Variants in MZT2B observed in about 807,000 individuals in gnomAD.
MZT2B encodes the protein mitotic spindle organizing protein 2B.
MZT2B carries 11 observed loss-of-function variants against 12.1 expected under a neutral mutation model. The ratio of observed to expected loss-of-function variants is 0.91; its 90% CI spans 0.57 to 1.50. MZT2B has a LOEUF of 1.50. Among genes scored for constraint, MZT2B ranks in the 40% most tolerant of loss-of-function variants. The pLI, the probability that MZT2B is intolerant of heterozygous loss-of-function variation, is 0.00. For synonymous variants in MZT2B, 85 were observed against 109.5 expected, an observed-to-expected ratio of 0.78 and a Z score of 1.40; for missense variants, 209 against 227.7, an observed-to-expected ratio of 0.92 and a Z score of 0.53.
intron 2 of MZT2B, chr2:130,183,071 G>A (rs1035158563): frequency 1.7e-4 from 93 of 538,382 alleles, no homozygotes; most frequent in Admixed American, 1.2e-3. Context: ...ACAACGTCGG[G>A]AATCAAGACA....
At chr2:130,186,165 T>C (rs1018081010) in intron 2 of MZT2B, among the ~76,000 whole-genome samples, 1 of 150,932 alleles carries the variant, frequency 6.6e-6, no homozygotes, top group Non-Finnish European at 1.5e-5. Flanking sequence ...GTGATCCGGC[T>C]GGGGGGCATG....
chr2:130,202,501 A>G, the MZT2B span: 1 of 1,268,952 alleles, frequency 7.9e-7, no homozygotes, highest in Non-Finnish European at 1.0e-6. Context: ...TGTAAGGTTC[A>G]TTTCATACAG....
chr2:130,182,584 C>G (rs749406296), intron 1 of MZT2B, 43 bp from the exon 2 acceptor site: 219 of 1,560,466 alleles, frequency 1.4e-4, no homozygotes, highest in Non-Finnish European at 1.8e-4. Context: ...GGTGGCCGCG[C>G]CGGGCGGAGA....
chr2:130,198,604 G>A, the MZT2B span: 2 of 462,848 alleles, frequency 4.3e-6, 1 homozygote, highest in Non-Finnish European at 7.3e-6. Context: ...TGGCGGGAAG[G>A]CAGCGGGGTC....
At chr2:130,188,574 A>G (rs1339720443) in intron 2 of MZT2B, among the ~76,000 whole-genome samples, 1 of 152,190 alleles carries the variant, frequency 6.6e-6, no homozygotes, top group African/African-American at 2.4e-5. Flanking sequence ...TCCTTGGCTC[A>G]GGGCAACCCT....
chr2:130,200,298 G>A, the MZT2B span, among the ~76,000 whole-genome samples: 1 of 151,870 alleles, frequency 6.6e-6, no homozygotes, highest in South Asian at 2.1e-4. Context: ...TGCTGAGGCA[G>A]GAGGATGGCA....
intron 2 of MZT2B, chr2:130,188,201 A>C (rs1690128826): frequency 6.5e-6 from 1 of 153,732 alleles, no homozygotes; most frequent in Non-Finnish European, 1.5e-5. Context: ...ACTCTGAGTC[A>C]GGCCCAAGTC....
chr2:130,189,930 G>T (rs1349202949), intron 2 of MZT2B, among the ~76,000 whole-genome samples: 1 of 152,166 alleles, frequency 6.6e-6, no homozygotes, highest in Admixed American at 6.6e-5. Flanking sequence ...CAGAACACTC[G>T]GGTAGGTAGG....
downstream of MZT2B, among the ~76,000 whole-genome samples, chr2:130,191,240 G>A (rs1690250493): frequency 6.6e-6 from 1 of 152,208 alleles, no homozygotes; most frequent in Non-Finnish European, 1.5e-5. Context: ...GTGGCTGTGT[G>A]TGCGCACAGA....
chr2:130,183,218 T>C (rs1463560217), intron 2 of MZT2B: 2 of 272,130 alleles, frequency 7.3e-6, no homozygotes, highest in African/African-American at 2.3e-5. Flanking sequence ...CAAAAGACAG[T>C]CTCGATCTCT....
chr2:130,186,635 A>G (rs1392608677), intron 2 of MZT2B, among the ~76,000 whole-genome samples: 1 of 152,186 alleles, frequency 6.6e-6, no homozygotes, highest in East Asian at 1.9e-4. Context: ...TGACCGGTAC[A>G]AAAGGGAATG....
chr2:130,202,744 C>T, the MZT2B span, among the ~76,000 whole-genome samples: 2,967 of 138,476 alleles, frequency 0.021, 20 homozygotes, highest in African/African-American at 0.083. Flanking sequence ...GAGTAAGCAG[C>T]AACTCCCCCA....
chr2:130,182,097 A>C, upstream of MZT2B: 9 of 1,343,334 alleles, frequency 6.7e-6, no homozygotes, highest in Non-Finnish European at 8.6e-6. Context: ...GCCGCTCAGC[A>C]CACCGTGAGC....
downstream of MZT2B, chr2:130,191,839 C>T (rs766249216): frequency 8.1e-6 from 13 of 1,599,784 alleles, no homozygotes; most frequent in South Asian, 5.7e-5. Flanking sequence ...CCTCAGTATG[C>T]TTCGCCTTCT....
rs183892227 is a variant in MZT2B at position 130,184,891 on chromosome 2, G to A, written c.319+2116G>A. Reference sequence around the variant, plus strand: ...GAGGAAAACCACCAGCGAGACCAGTGTGGTGGCTCACACCTGTAATCCCAG... The same window carrying A: ...GAGGAAAACCACCAGCGAGACCAGTATGGTGGCTCACACCTGTAATCCCAG... On this transcript the variant is annotated intron_variant, in intron 2 of 2. Coordinates refer to ENST00000281871, the MANE Select transcript of MZT2B (RefSeq NM_025029.5). The A allele has an allele frequency of 2.1e-5, 21 of 985,258 alleles. No homozygotes were observed. The African/African-American group carries it at 3.0e-4, about 14-fold the overall frequency. The allele number at this position is 985,258 out of a possible 1,614,324, so 61.0% of individuals were successfully genotyped here.
intron 2 of MZT2B, chr2:130,183,425 C>T (rs1164634612): frequency 2.5e-6 from 1 of 394,932 alleles, no homozygotes; most frequent in Non-Finnish European, 4.8e-6. Flanking sequence ...TGAAGGGCCT[C>T]CTCCCTCTCC....
At chr2:130,196,622 T>G in the MZT2B span, among the ~76,000 whole-genome samples, 20 of 152,190 alleles carry the variant, frequency 1.3e-4, no homozygotes, top group Non-Finnish European at 1.2e-4. Context: ...CTTAGGTTAT[T>G]TTAAAACTTG....
intron 2 of MZT2B, among the ~76,000 whole-genome samples, chr2:130,187,036 G>A (rs1294783211): frequency 3.4e-5 from 5 of 146,196 alleles, no homozygotes; most frequent in Non-Finnish European, 6.0e-5. Context: ...GGGCAAAATA[G>A]CAAGACCCCA....
chr2:130,196,742 G>A, the MZT2B span, among the ~76,000 whole-genome samples: 4 of 152,164 alleles, frequency 2.6e-5, no homozygotes, highest in Non-Finnish European at 4.4e-5. Flanking sequence ...TAAGGTAGTC[G>A]GGTTGGGTAA....
Sources: allele counts gnomAD v4.1 joint callset (sites outside exome capture counted in the v4.1 genomes callset), GRCh38; gene constraint gnomAD v4.1.1; transcripts MANE v1.5; gene names NCBI Gene and HGNC (gene_info 2026-07-23, HGNC 2026-07-21).